JPH3: variants seen among roughly 807,000 people sequenced by gnomAD.
The protein encoded by JPH3 is junctophilin-3.
A neutral mutation model predicts 59.6 loss-of-function variants in JPH3; 11 were observed. That is an observed-to-expected ratio of 0.18 (90% CI 0.12 to 0.31). The LOEUF is 0.31. Ranked by LOEUF, JPH3 falls within the 10% of genes least tolerant of loss-of-function variation. The pLI is 1.00. For synonymous variants in JPH3, 673 were observed against 483.6 expected (o/e 1.39, Z -5.14); for missense variants, 1,202 against 1,105.7 (o/e 1.09, Z -1.24).
intron 4 of JPH3, among the ~76,000 whole-genome samples, chr16:87,693,018 G>A (rs1323624956): frequency 1.3e-5 from 2 of 152,242 alleles, no homozygotes; most frequent in African/African-American, 2.4e-5. Flanking sequence ...TGGGCCCTTG[G>A]CTGTTCTCTG....
rs540982126 is a variant in JPH3 at position 87,638,225 on chromosome 16, T to A, written c.383-6033T>A. On this transcript the variant is annotated intron_variant, in intron 1 of 4. Coordinates refer to ENST00000284262, the MANE Select transcript of JPH3 (RefSeq NM_020655.4). ...TGAGCCACCACACCCGGCCTCCTTT[T>A]AAAATTTTAATTTTTAATGAGATGG... Among the ~76,000 whole-genome samples, 7 of 152,290 alleles carry A rather than the reference T, an allele frequency of 4.6e-5. 1 individual carries two copies. The highest frequency in any genetic ancestry group is 1.7e-4 in the African/African-American group (7 of 41,554).
chr16:87,647,468 C>G (rs1179906169), intron 2 of JPH3, among the ~76,000 whole-genome samples: 2 of 152,168 alleles, frequency 1.3e-5, no homozygotes, highest in African/African-American at 4.8e-5. Context: ...CCACCCCCTG[C>G]CAACCCCCCG....
At chr16:87,639,183 A>G (rs1040338689) in intron 1 of JPH3, among the ~76,000 whole-genome samples, 7 of 152,200 alleles carry the variant, frequency 4.6e-5, no homozygotes, top group African/African-American at 1.4e-4. Flanking sequence ...ACCTTAAGGC[A>G]GTTACCCTGT....
At chr16:87,655,296 C>G (rs2032460325) in intron 2 of JPH3, among the ~76,000 whole-genome samples, 1 of 152,234 alleles carries the variant, frequency 6.6e-6, no homozygotes, top group African/African-American at 2.4e-5. Flanking sequence ...AATGGCTTCA[C>G]TTTGCTGAGC....
At chr16:87,658,976 G>A (rs895127400) in intron 2 of JPH3, among the ~76,000 whole-genome samples, 2 of 152,240 alleles carry the variant, frequency 1.3e-5, no homozygotes, top group African/African-American at 2.4e-5. Context: ...AATTGCTGGA[G>A]GCGGGGTCGC....
chr16:87,642,435 G>T (rs546707829), intron 1 of JPH3, among the ~76,000 whole-genome samples: 1 of 152,360 alleles, frequency 6.6e-6, no homozygotes, highest in East Asian at 1.9e-4. Context: ...AGACAGAAGA[G>T]AGCTGAATTT....
At chr16:87,633,167 C>CT (rs1280826805) in intron 1 of JPH3, among the ~76,000 whole-genome samples, 1 of 152,122 alleles carries the variant, frequency 6.6e-6, no homozygotes, top group African/African-American at 2.4e-5. Context: ...AGTTCTAAGG[C>CT]TGGAAGGTCA....
At chr16:87,667,990 C>G (rs1378922644) in intron 2 of JPH3, among the ~76,000 whole-genome samples, 1 of 152,238 alleles carries the variant, frequency 6.6e-6, no homozygotes, top group Non-Finnish European at 1.5e-5. Context: ...CACACCGGCT[C>G]TGAACAGGCT....
intron 1 of JPH3, among the ~76,000 whole-genome samples, chr16:87,627,330 G>C (rs995716041): frequency 5.9e-5 from 9 of 152,246 alleles, no homozygotes; most frequent in Admixed American, 6.5e-5. Flanking sequence ...GGCGCCACCA[G>C]CTTGAGGGGG....
At chr16:87,668,701 G>C (rs1225104250) in intron 2 of JPH3, among the ~76,000 whole-genome samples, 1 of 152,156 alleles carries the variant, frequency 6.6e-6, no homozygotes, top group African/African-American at 2.4e-5. Context: ...TGGTTCCATT[G>C]CTGTCAGTCT....
chr16:87,621,114 G>A (rs1040124220), intron 1 of JPH3, among the ~76,000 whole-genome samples: 1 of 152,202 alleles, frequency 6.6e-6, no homozygotes, highest in Non-Finnish European at 1.5e-5. Flanking sequence ...AGCCGAAATC[G>A]TGCCACTGCA....
intron 1 of JPH3, among the ~76,000 whole-genome samples, chr16:87,639,692 A>G (rs2031880009): frequency 6.7e-6 from 1 of 149,400 alleles, no homozygotes; most frequent in Non-Finnish European, 1.5e-5. Context: ...GGCCCCTCGC[A>G]CCCTCCGTTC....
chr16:87,681,150 C>A (rs1162369531), intron 2 of JPH3, among the ~76,000 whole-genome samples: 1 of 149,946 alleles, frequency 6.7e-6, no homozygotes, highest in Non-Finnish European at 1.5e-5. Context: ...ATGACAGTTC[C>A]GGAAGGTCAG....
chr16:87,667,652 C>A (rs2032905607), intron 2 of JPH3, among the ~76,000 whole-genome samples: 1 of 152,214 alleles, frequency 6.6e-6, no homozygotes, highest in African/African-American at 2.4e-5. Flanking sequence ...AACGTCCCAC[C>A]CCTCTCTGGG....
chr16:87,655,923 C>T (rs370500520), intron 2 of JPH3, among the ~76,000 whole-genome samples: 21 of 152,352 alleles, frequency 1.4e-4, no homozygotes, highest in African/African-American at 3.4e-4. Context: ...GCTGTCACTG[C>T]GCCGTTCCCT....
At chr16:87,695,934 T>C (rs554739329) in intron 4 of JPH3, 1 of 455,940 alleles carries the variant, frequency 2.2e-6, no homozygotes, top group African/African-American at 2.0e-5. Context: ...GCTGAGGACT[T>C]GTGAGCCACT....
Position 87,698,045 on chromosome 16 carries a change from A to T in JPH3, c.*1385A>T, listed in dbSNP as rs1380669309. The T allele has an allele frequency of 6.6e-6, 1 of 152,624 alleles. No individual in the cohort carries two copies. Among genetic ancestry groups the T allele is most frequent in the East Asian group, 1.9e-4 (1 of 5,194 alleles). The allele number at this position is 152,624 out of a possible 1,614,324, so 9.5% of individuals were successfully genotyped here. On this transcript the variant is annotated 3_prime_UTR_variant, in exon 5 of 5. Coordinates refer to ENST00000284262, the MANE Select transcript of JPH3 (RefSeq NM_020655.4). ...TTATGGACTCTGCCTTGCTTTGCTT[A>T]TGTTTAGCTGTTTCTCTGCTACCTT...
At chr16:87,692,078 T>TG (rs1273575968) in intron 4 of JPH3, among the ~76,000 whole-genome samples, 1 of 152,160 alleles carries the variant, frequency 6.6e-6, no homozygotes, top group Non-Finnish European at 1.5e-5. Flanking sequence ...GGTCTCCAGC[T>TG]GGGGCTAATC....
At chr16:87,655,114 G>A (rs1194615067) in intron 2 of JPH3, 4 of 152,198 alleles carry the variant, frequency 2.6e-5, no homozygotes, top group Non-Finnish European at 5.9e-5. Context: ...TCTCCTTGAA[G>A]GTCTGGCAGG....
Sources: gnomAD v4.1 joint callset for allele counts (sites outside exome capture counted in the v4.1 genomes callset) on GRCh38, gnomAD v4.1.1 for gene constraint, MANE v1.5 for transcripts, NCBI Gene and HGNC (gene_info 2026-07-23, HGNC 2026-07-21) for gene names.